AP1G1: variants seen among roughly 807,000 people sequenced by gnomAD.
AP1G1 encodes the protein adaptor related protein complex 1 subunit gamma 1.
A neutral mutation model predicts 108.3 loss-of-function variants in AP1G1; 7 were observed. The observed-to-expected ratio is 0.06, with a 90% CI of 0.04 to 0.12. The LOEUF (loss-of-function observed/expected upper bound fraction) is 0.12. Among genes scored for constraint, AP1G1 ranks in the 10% least tolerant of loss-of-function variants. The pLI, the probability that AP1G1 is intolerant of heterozygous loss-of-function variation, is 1.00. For missense variants in AP1G1, 756 were observed against 1,010.7 expected, an observed-to-expected ratio of 0.75 and a Z score of 3.42; for synonymous variants, 379 against 353.5, an observed-to-expected ratio of 1.07 and a Z score of -0.81.
chr16:71,764,143 G>C (rs906295852), intron 9 of AP1G1, among the ~76,000 whole-genome samples: 1 of 152,136 alleles, frequency 6.6e-6, no homozygotes. Context: ...TGCTACACCT[G>C]AGATCTCCCA....
chr16:71,751,119 C>T lies in AP1G1; in HGVS notation c.1285-787G>A, dbSNP rs2030475575. On this transcript the variant is annotated intron_variant, in intron 13 of 22. Transcript: ENST00000299980. ...GCAGTGAGCCGAGTTTGCGCCACTG[C>T]ACTCCAGCCTGAGCAACAGACTGAG... The T allele has an allele frequency of 2.7e-5, 4 of 146,976 alleles. No individual in the cohort carries two copies. In the Admixed American group the frequency reaches 2.8e-4, roughly 10 times the overall value. The allele number at this position is 146,976 out of a possible 1,614,324, so 9.1% of individuals were successfully genotyped here. A position where few individuals can be genotyped will look rare whatever the true frequency, so the allele number is the denominator to read the frequency against.
At chr16:71,759,235 G>T (rs924610969) in intron 10 of AP1G1, among the ~76,000 whole-genome samples, 2 of 152,134 alleles carry the variant, frequency 1.3e-5, no homozygotes, top group African/African-American at 4.8e-5. Flanking sequence ...GAGGCAGGTG[G>T]ATACCTGAGG....
chr16:71,776,700 T>C (rs2031790268), intron 2 of AP1G1, among the ~76,000 whole-genome samples: 1 of 152,210 alleles, frequency 6.6e-6, no homozygotes, highest in Non-Finnish European at 1.5e-5. Context: ...TATCCAAAAA[T>C]ATTTTATTAG....
chr16:71,780,820 CT>C (rs767977641), intron 2 of AP1G1, among the ~76,000 whole-genome samples: 329 of 139,618 alleles, frequency 2.4e-3, no homozygotes, highest in Middle Eastern at 7.3e-3. Flanking sequence ...TAATTTTTTA[CT>C]TTTTTTTTTT....
At chr16:71,733,582 T>C (rs968898809) in intron 22 of AP1G1, among the ~76,000 whole-genome samples, 1 of 54,024 alleles carries the variant, frequency 1.9e-5, no homozygotes, top group African/African-American at 7.0e-5. Flanking sequence ...GCCAGGCTGG[T>C]CTTCAACTCC....
chr16:71,769,420 T>C, intron 6 of AP1G1: 1 of 546,436 alleles, frequency 1.8e-6, no homozygotes, highest in Admixed American at 2.9e-5. Flanking sequence ...ACTTCTATTA[T>C]GAAAGGGAAA....
intron 11 of AP1G1, among the ~76,000 whole-genome samples, chr16:71,757,670 G>A (rs1266179482): frequency 6.6e-6 from 1 of 152,156 alleles, no homozygotes; most frequent in Non-Finnish European, 1.5e-5. Flanking sequence ...ATTTGACCCA[G>A]TCTATTAAAG....
intron 15 of AP1G1, 77 bp from the exon 16 acceptor site, chr16:71,748,455 G>A: frequency 6.7e-7 from 1 of 1,491,230 alleles, no homozygotes; most frequent in Non-Finnish European, 9.0e-7. Context: ...ATCAAGTCAG[G>A]GGAAGCAGCC....
At chr16:71,792,385 A>G (rs1334938941) in intron 1 of AP1G1, among the ~76,000 whole-genome samples, 2 of 152,196 alleles carry the variant, frequency 1.3e-5, no homozygotes, top group African/African-American at 4.8e-5. Flanking sequence ...ACAAATCTTC[A>G]GGAATTTTTA....
At chr16:71,808,186 T>C (rs2033063355) in intron 1 of AP1G1, 6 of 1,074,160 alleles carry the variant, frequency 5.6e-6, no homozygotes, top group Non-Finnish European at 5.6e-6. Context: ...CGCAGGTAGG[T>C]TGAAAAAAAC....
Position 71,746,628 on chromosome 16 carries a change from C to T in AP1G1, c.1690G>A (p.Val564Ile). 2 of 1,613,322 alleles carry T rather than the reference C, an allele frequency of 1.2e-6. No individual in the cohort carries two copies. The highest frequency in any genetic ancestry group is 1.7e-6 in the Non-Finnish European group (2 of 1,179,652). Reference protein sequence around the residue: ...SIDVELQQRAVEYNALFKKYD... With the variant: ...SIDVELQQRAIEYNALFKKYD... ...TTCTTGAAAAGTGCATTATATTCTACTGCCCTCTGCTGGAGTTCCACATCA... is the reference window on the plus strand; with the variant it reads ...TTCTTGAAAAGTGCATTATATTCTATTGCCCTCTGCTGGAGTTCCACATCA... Residue 564 changes from valine (V) to isoleucine (I), a missense_variant, in exon 17 of 23, where the codon GTA becomes ATA. Around this residue, in one of 3 missense-constraint regions of AP1G1, gnomAD observed 357 missense variants for 366.5 expected, o/e 0.97. Coordinates refer to ENST00000299980, the MANE Select transcript of AP1G1 (RefSeq NM_001128.6).
At chr16:71,782,403 A>G (rs2032055213) in intron 2 of AP1G1, among the ~76,000 whole-genome samples, 1 of 151,930 alleles carries the variant, frequency 6.6e-6, no homozygotes, top group Non-Finnish European at 1.5e-5. Flanking sequence ...AGCTCAAGCA[A>G]TCTGCCCGCC....
intron 4 of AP1G1, chr16:71,772,987 T>A (rs879469463): frequency 5.0e-6 from 3 of 602,658 alleles, no homozygotes; most frequent in Non-Finnish European, 9.1e-6. Context: ...TAGAATCAGA[T>A]AACTTAGGAA....
chr16:71,801,922 C>CA (rs901972267), intron 1 of AP1G1, among the ~76,000 whole-genome samples: 3,379 of 63,388 alleles, frequency 0.053, 55 homozygotes, highest in African/African-American at 0.063. Context: ...ACTCCGTAAC[C>CA]AAAAAAAAAA....
intron 11 of AP1G1, 79 bp downstream of exon 11, chr16:71,758,729 G>C (rs2030931966): frequency 1.3e-6 from 1 of 786,636 alleles, no homozygotes; most frequent in African/African-American, 1.7e-5. Flanking sequence ...GTATCACATG[G>C]CAGCGGCATA....
chr16:71,804,087 C>G (rs562498875), intron 1 of AP1G1, among the ~76,000 whole-genome samples: 1 of 151,572 alleles, frequency 6.6e-6, no homozygotes, highest in East Asian at 1.9e-4. Flanking sequence ...TCGCTCTGTC[C>G]CCAGGCTGGA....
intron 16 of AP1G1, 196 bp from the exon 17 acceptor site, chr16:71,746,888 G>GT (rs2030209878): frequency 2.4e-6 from 1 of 425,336 alleles, no homozygotes. Flanking sequence ...TATTCTCATT[G>GT]TAACACTAGA....
chr16:71,789,843 C>G (rs1177547741), intron 1 of AP1G1, among the ~76,000 whole-genome samples: 3 of 152,134 alleles, frequency 2.0e-5, no homozygotes, highest in Non-Finnish European at 4.4e-5. Flanking sequence ...TATGCCTAAC[C>G]TTAGAAAAGA....
intron 19 of AP1G1, among the ~76,000 whole-genome samples, chr16:71,741,017 A>G (rs1567640779): frequency 6.6e-6 from 1 of 152,246 alleles, no homozygotes; most frequent in Non-Finnish European, 1.5e-5. Context: ...AATCTTTCCA[A>G]ATAAGAACAA....
Sources: allele counts gnomAD v4.1 joint callset (sites outside exome capture counted in the v4.1 genomes callset), GRCh38; gene constraint gnomAD v4.1.1; regional missense constraint gnomAD v4.1.1; transcripts MANE v1.5; gene names NCBI Gene and HGNC (gene_info 2026-07-23, HGNC 2026-07-21).